The following CPA6 variants were observed in gnomAD, a reference collection of about 807,000 sequenced individuals.
CPA6 encodes the protein carboxypeptidase A6.
In CPA6, 58 loss-of-function variants were observed where a neutral mutation model predicts 63.3. The ratio of observed to expected loss-of-function variants is 0.92; its 90% CI spans 0.74 to 1.14. The LOEUF (loss-of-function observed/expected upper bound fraction) is 1.14, where lower values mean the gene tolerates loss of function less well. Among genes scored for constraint, CPA6 ranks in the 50% most tolerant of loss-of-function variants. The pLI, the probability that CPA6 is intolerant of heterozygous loss-of-function variation, is 0.00. For missense variants in CPA6, 565 were observed against 526.6 expected, an observed-to-expected ratio of 1.07 and a Z score of -0.71; for synonymous variants, 185 against 179.0, an observed-to-expected ratio of 1.03 and a Z score of -0.27.
chr8:67,531,246 G>C (rs1812471277), intron 2 of CPA6, among the ~76,000 whole-genome samples: 1 of 151,856 alleles, frequency 6.6e-6, no homozygotes, highest in African/African-American at 2.4e-5. Context: ...AAGCAGAAAA[G>C]AAAAAAGCAT....
At chr8:67,636,782 C>A (rs750119097) in intron 1 of CPA6, among the ~76,000 whole-genome samples, 8 of 151,608 alleles carry the variant, frequency 5.3e-5, no homozygotes, top group Non-Finnish European at 1.2e-4. Flanking sequence ...ACAAAGAAAT[C>A]CATTAGGTAA....
At chr8:67,545,563 CTTT>C (rs35213871) in intron 2 of CPA6, among the ~76,000 whole-genome samples, 2 of 80,476 alleles carry the variant, frequency 2.5e-5, no homozygotes, top group South Asian at 4.5e-4. Flanking sequence ...GCTACTGTTA[CTTT>C]TTTTTTTTTT....
chr8:67,693,847 C>T (rs1816860849), intron 1 of CPA6, among the ~76,000 whole-genome samples: 1 of 152,250 alleles, frequency 6.6e-6, no homozygotes, highest in South Asian at 2.1e-4. Context: ...CTACTCTAGA[C>T]TTACGGGTAA....
intron 2 of CPA6, among the ~76,000 whole-genome samples, chr8:67,586,921 T>G (rs1299460890): frequency 1.3e-5 from 2 of 152,232 alleles, no homozygotes; most frequent in African/African-American, 4.8e-5. Context: ...AGAACCATGT[T>G]ATTGGTAATA....
intron 2 of CPA6, among the ~76,000 whole-genome samples, chr8:67,531,035 T>C (rs1812467307): frequency 6.6e-6 from 1 of 152,172 alleles, no homozygotes; most frequent in Non-Finnish European, 1.5e-5. Flanking sequence ...ATTATAAACC[T>C]GAGATTTTCA....
intron 2 of CPA6, among the ~76,000 whole-genome samples, chr8:67,579,955 T>A (rs902236567): frequency 6.6e-6 from 1 of 152,166 alleles, no homozygotes; most frequent in Non-Finnish European, 1.5e-5. Context: ...TTTTTTTTAT[T>A]TAGAAGAAAC....
intron 9 of CPA6, among the ~76,000 whole-genome samples, chr8:67,432,870 C>A (rs375400019): frequency 1.3e-5 from 2 of 152,134 alleles, no homozygotes; most frequent in East Asian, 1.9e-4. Flanking sequence ...TAGGAACCTG[C>A]GACTCTGCAG....
intron 1 of CPA6, among the ~76,000 whole-genome samples, chr8:67,663,679 A>G (rs561052747): frequency 8.1e-4 from 124 of 152,244 alleles, no homozygotes; most frequent in African/African-American, 2.9e-3. Context: ...AGCTCCATCA[A>G]TATTCTTGCA....
chr8:67,718,162 T>G (rs1486655018), intron 1 of CPA6, among the ~76,000 whole-genome samples: 2 of 152,156 alleles, frequency 1.3e-5, no homozygotes, highest in Non-Finnish European at 2.9e-5. Flanking sequence ...CCTAACTGAT[T>G]CTTAAAGACT....
chr8:67,583,734 GAGTT>G (rs1440196330), intron 2 of CPA6, among the ~76,000 whole-genome samples: 5 of 152,128 alleles, frequency 3.3e-5, no homozygotes, highest in African/African-American at 1.2e-4. Context: ...TTAGGCGCTT[GAGTT>G]AGTTAGGAAG....
chr8:67,461,577 T>C (rs531181214), intron 8 of CPA6, among the ~76,000 whole-genome samples: 7 of 152,320 alleles, frequency 4.6e-5, no homozygotes, highest in Admixed American at 6.5e-5. Flanking sequence ...AGCTGTTGGG[T>C]ACACCTCCCA....
At chr8:67,461,114 G>T (rs1216171880) in intron 8 of CPA6, among the ~76,000 whole-genome samples, 1 of 148,122 alleles carries the variant, frequency 6.8e-6, no homozygotes, top group Non-Finnish European at 1.5e-5. Flanking sequence ...CGCAGAGGGG[G>T]ATTTGGCAGG....
chr8:67,467,155 T>C (rs117718709), intron 8 of CPA6, among the ~76,000 whole-genome samples: 148 of 152,290 alleles, frequency 9.7e-4, no homozygotes, highest in Non-Finnish European at 1.9e-3. Flanking sequence ...TTCTTTATAA[T>C]GTATTTTCAA....
At chr8:67,583,285 G>C (rs976589199) in intron 2 of CPA6, among the ~76,000 whole-genome samples, 1 of 152,230 alleles carries the variant, frequency 6.6e-6, no homozygotes, top group African/African-American at 2.4e-5. Flanking sequence ...AAATTACTTA[G>C]AGTAACAGAT....
chr8:67,541,841 A>G (rs1812714913), intron 2 of CPA6, among the ~76,000 whole-genome samples: 1 of 152,170 alleles, frequency 6.6e-6, no homozygotes, highest in African/African-American at 2.4e-5. Flanking sequence ...CTGTCTAACC[A>G]GTCCCAATGA....
chr8:67,577,045 G>T (rs1314865326), intron 2 of CPA6, among the ~76,000 whole-genome samples: 1 of 152,016 alleles, frequency 6.6e-6, no homozygotes, highest in African/African-American at 2.4e-5. Context: ...AGTAGAGACT[G>T]GGTTTCACCA....
intron 1 of CPA6, among the ~76,000 whole-genome samples, chr8:67,692,727 C>T (rs972024408): frequency 6.6e-6 from 1 of 152,104 alleles, no homozygotes; most frequent in Non-Finnish European, 1.5e-5. Context: ...CAAAAATGGC[C>T]CCATTAGTGG....
intron 2 of CPA6, among the ~76,000 whole-genome samples, chr8:67,598,175 A>G (rs917906907): frequency 6.6e-6 from 1 of 152,166 alleles, no homozygotes; most frequent in African/African-American, 2.4e-5. Flanking sequence ...TGGCTACTTC[A>G]CATTTTAGCT....
At chr8:67,632,148 CTGTGTGTGTG>C (rs35463897) in intron 1 of CPA6, among the ~76,000 whole-genome samples, 35,919 of 147,764 alleles carry the variant, frequency 0.24, 4,435 homozygotes, top group African/African-American at 0.32. Context: ...AAAAATGATG[CTGTGTGTGTG>C]TGTGTGTGTG....
Sources: gnomAD v4.1 joint callset for allele counts (sites outside exome capture counted in the v4.1 genomes callset) on GRCh38, gnomAD v4.1.1 for gene constraint, MANE v1.5 for transcripts, NCBI Gene and HGNC (gene_info 2026-07-23, HGNC 2026-07-21) for gene names.